PRR5: variants seen among roughly 807,000 people sequenced by gnomAD.
PRR5 encodes proline rich 5, also known as proline-rich protein 5.
A neutral mutation model predicts 30.6 loss-of-function variants in PRR5; 25 were observed. That is an observed-to-expected ratio of 0.82 (90% confidence interval 0.60 to 1.14). The LOEUF is 1.14. PRR5 is among the 50% of genes most tolerant of loss of function. The pLI is 0.00. For synonymous variants in PRR5, 286 were observed against 247.1 expected, an observed-to-expected ratio of 1.16 and a Z score of -1.48; for missense variants, 600 against 547.1, an observed-to-expected ratio of 1.10 and a Z score of -0.96.
rs1309780478 is a variant in PRR5, at chr22:44,736,989, C to T, written c.909C>T (p.Pro303=). Reference sequence around the variant, plus strand: ...TCTCCGACCCGCCCGGCCAGGGCCCCACCGGGACCTTCAGGTCCTCCCCGG... The same window carrying T: ...TCTCCGACCCGCCCGGCCAGGGCCCTACCGGGACCTTCAGGTCCTCCCCGG... The part of the protein sequence containing the change: ...QGFSDPPGQG[P]TGTFRSSPAP... The change falls in exon 8 of 8, where the codon CCC becomes CCT. Residue 303 remains proline, a synonymous_variant. Coordinates refer to ENST00000336985, the MANE Select transcript of PRR5 (RefSeq NM_181333.4). 1.9e-6 allele frequency: 3 copies of T among 1,600,600 alleles called. No individual in the cohort carries two copies. The highest frequency in any genetic ancestry group is 3.3e-5 in the Admixed American group (2 of 59,716).
chr22:44,694,600 C>T (rs1038241601), intron 1 of PRR5, among the ~76,000 whole-genome samples: 3 of 152,190 alleles, frequency 2.0e-5, no homozygotes, highest in Non-Finnish European at 4.4e-5. Context: ...AGGGAAGACA[C>T]ACTGAAGCCT....
At chr22:44,681,307 A>T (rs755724787) in intron 1 of PRR5, among the ~76,000 whole-genome samples, 8 of 152,162 alleles carry the variant, frequency 5.3e-5, no homozygotes, top group Non-Finnish European at 1.0e-4. Context: ...AAAGTTTGGG[A>T]GGCCAGGCGC....
intron 1 of PRR5, among the ~76,000 whole-genome samples, chr22:44,683,823 C>T (rs562117181): frequency 6.6e-6 from 1 of 152,218 alleles, no homozygotes; most frequent in Admixed American, 6.5e-5. Flanking sequence ...AGCCTACTCG[C>T]GAGCCACCCG....
chr22:44,732,188 G>A, intron 5 of PRR5, 63 bp from the exon 6 acceptor site: 1 of 1,588,474 alleles, frequency 6.3e-7, no homozygotes, highest in Non-Finnish European at 8.6e-7. Flanking sequence ...CCCAGGACCG[G>A]GAGAGGGGAG....
chr22:44,724,670 G>T (rs779862948), intron 2 of PRR5, among the ~76,000 whole-genome samples: 48 of 152,288 alleles, frequency 3.2e-4, no homozygotes, highest in African/African-American at 1.1e-3. Context: ...TGGAGGTTCA[G>T]ATCTCAGCTC....
chr22:44,685,665 TCA>T (rs1265529237), intron 1 of PRR5, among the ~76,000 whole-genome samples: 1 of 149,448 alleles, frequency 6.7e-6, no homozygotes, highest in East Asian at 2.0e-4. Flanking sequence ...AAAGGCACAC[TCA>T]CAGCCACCGT....
upstream of PRR5, among the ~76,000 whole-genome samples, chr22:44,674,241 GGA>G: frequency 6.6e-6 from 1 of 151,956 alleles, no homozygotes; most frequent in East Asian, 1.9e-4. Context: ...CGGGTAGCTG[GGA>G]CCACAGGCAC....
chr22:44,690,296 T>C (rs1697174686), intron 1 of PRR5, among the ~76,000 whole-genome samples: 1 of 152,044 alleles, frequency 6.6e-6, no homozygotes, highest in African/African-American at 2.4e-5. Context: ...AACGTTGACC[T>C]GAGCACCCAG....
chr22:44,690,134 A>T (rs1467910479), intron 1 of PRR5, among the ~76,000 whole-genome samples: 1 of 152,104 alleles, frequency 6.6e-6, no homozygotes. Context: ...AGGCTGCAGA[A>T]GTCAGGGATG....
chr22:44,682,707 C>T (rs910564739), intron 1 of PRR5, among the ~76,000 whole-genome samples: 3 of 152,260 alleles, frequency 2.0e-5, no homozygotes, highest in Admixed American at 6.5e-5. Flanking sequence ...ACGGGAATGT[C>T]GCAGAGACAA....
At chr22:44,722,278 TCCC>T (rs947900193) in intron 2 of PRR5, among the ~76,000 whole-genome samples, 5 of 152,182 alleles carry the variant, frequency 3.3e-5, no homozygotes. Context: ...AACCTCAGCT[TCCC>T]CATCCATGAA....
intron 4 of PRR5, chr22:44,731,042 G>A: frequency 3.3e-6 from 1 of 298,996 alleles, no homozygotes; most frequent in Non-Finnish European, 7.1e-6. Context: ...CAGATAGTGT[G>A]GGGGAAGGAG....
chr22:44,727,781 G>A (rs542080414), intron 4 of PRR5, among the ~76,000 whole-genome samples: 10 of 152,290 alleles, frequency 6.6e-5, no homozygotes, highest in East Asian at 1.9e-4. Context: ...TTGGAGCTGC[G>A]TGTCATGGTC....
upstream of PRR5, among the ~76,000 whole-genome samples, chr22:44,701,943 C>G (rs1926343899): frequency 6.6e-6 from 1 of 152,092 alleles, no homozygotes; most frequent in Non-Finnish European, 1.5e-5. Flanking sequence ...GGCGCTTGGG[C>G]TTGGGCCCTG....
chr22:44,676,999 C>T (rs931873262), upstream of PRR5: 1 of 152,296 alleles, frequency 6.6e-6, no homozygotes, highest in Non-Finnish European at 1.5e-5. Flanking sequence ...CGCCTGCCCT[C>T]AAGCTCCTGG....
chr22:44,720,865 G>A (rs1385393323), intron 2 of PRR5, among the ~76,000 whole-genome samples: 1 of 152,218 alleles, frequency 6.6e-6, no homozygotes, highest in Non-Finnish European at 1.5e-5. Context: ...GTCAGAGGAG[G>A]CCAGGGGAGC....
At position 44,713,219 on chromosome 22, in the gene PRR5, G is replaced by A. The variant is rs564122626; in HGVS notation, c.135-1372G>A. Among the ~76,000 whole-genome samples, 166 of 152,306 alleles carry A rather than the reference G, an allele frequency of 1.1e-3. 1 individual carries two copies. The highest frequency in any genetic ancestry group is 3.9e-3 in the African/African-American group (162 of 41,576). On this transcript the variant is annotated intron_variant, in intron 1 of 7. Transcript: ENST00000336985. ...AGGAACTGCAGCCTCCACAGAGGGTGGATGTGGTGGAGAGGTGGGAGGCCA... is the reference window on the plus strand; with the variant it reads ...AGGAACTGCAGCCTCCACAGAGGGTAGATGTGGTGGAGAGGTGGGAGGCCA...
intron 1 of PRR5, among the ~76,000 whole-genome samples, chr22:44,696,949 G>T (rs1925810414): frequency 6.6e-6 from 1 of 151,934 alleles, no homozygotes; most frequent in African/African-American, 2.4e-5. Flanking sequence ...GTTAGCCAGG[G>T]TAGTCTCCAA....
intron 1 of PRR5, 103 bp from the exon 2 acceptor site, chr22:44,714,488 A>G: frequency 1.3e-6 from 2 of 1,492,672 alleles, no homozygotes; most frequent in East Asian, 2.3e-5. Flanking sequence ...AGGGATGGCT[A>G]TCCTGCCCTT....
Sources: gnomAD v4.1 joint callset for allele counts (sites outside exome capture counted in the v4.1 genomes callset) on GRCh38, gnomAD v4.1.1 for gene constraint, MANE v1.5 for transcripts, NCBI Gene and HGNC (gene_info 2026-07-23, HGNC 2026-07-21) for gene names.